The following RFX1 variants were observed in gnomAD, a reference collection of about 807,000 sequenced individuals.
RFX1 encodes regulatory factor X1.
RFX1 carries 42 observed loss-of-function variants against 119.6 expected under a neutral mutation model. That is an observed-to-expected ratio of 0.35 (90% CI 0.27 to 0.45). RFX1 has a LOEUF of 0.45. Among genes scored for constraint, RFX1 ranks in the 20% least tolerant of loss-of-function variants. The pLI is 1.00. For missense variants in RFX1, 1,118 were observed against 1,368.1 expected (o/e 0.82, Z 2.88); for synonymous variants, 628 against 618.5 (o/e 1.02, Z -0.23).
Position 13,978,036 on chromosome 19 carries a change from C to T in RFX1, c.885G>A (p.Val295=), listed in dbSNP as rs748574387. Residue 295 remains valine, a synonymous_variant, in exon 8 of 21, where the codon GTG becomes GTA. Transcript: ENST00000254325. ...TGGCATCGCCGCCCTCCACATACTG[C>T]ACCTGGCTGGAGTACACGTGTGGGA... ...VPVPHVYSSQ[V]QYVEGGDASY... The T allele has an allele frequency of 3.7e-6, 6 of 1,613,728 alleles. No homozygotes were observed. Among genetic ancestry groups the T allele is most frequent in the Middle Eastern group, 1.7e-4 (1 of 6,058 alleles).
Position 13,980,720 on chromosome 19 carries a change from T to C in RFX1, c.622-31A>G. The C allele has an allele frequency of 6.6e-7, 1 of 1,521,140 alleles. No individual in the cohort carries two copies. The highest frequency in any genetic ancestry group is 9.0e-7 in the Non-Finnish European group (1 of 1,113,080). 94.2% of individuals were successfully genotyped at this position (1,521,140 alleles called of 1,614,324 possible). ...AGGGAAGGAGACACAGGAGTGCCGC[T>C]GGGGTGGGCTTGCATCCTCTCTGAG... On this transcript the variant is annotated intron_variant, in intron 5 of 20. Coordinates refer to ENST00000254325, the MANE Select transcript of RFX1 (RefSeq NM_002918.5). The surrounding 1 kb of genome is among the most constrained non-coding windows in gnomAD (Gnocchi z 5.1).
chr19:13,965,835 G>T lies in RFX1; in HGVS notation c.1962-58C>A. The T allele has an allele frequency of 6.3e-7, 1 of 1,578,666 alleles. No individual in the cohort carries two copies. The highest frequency in any genetic ancestry group is 8.6e-7 in the Non-Finnish European group (1 of 1,158,462). On this transcript the variant is annotated intron_variant, in intron 14 of 20. Coordinates refer to ENST00000254325, the MANE Select transcript of RFX1 (RefSeq NM_002918.5). This position sits in a 1 kb window ranked among gnomAD's most constrained non-coding sequence, Gnocchi z 4.7. ...GGTACTCTATGGTCCTGCCCCCATC[G>T]TCAGAAGGGAACAGGTAGCCCCTGT...
At position 13,972,793 on chromosome 19, in the gene RFX1, C is replaced by G. The variant is rs756623062; in HGVS notation, c.1264G>C (p.Gly422Arg). 3 of 1,608,812 alleles carry G rather than the reference C, an allele frequency of 1.9e-6. No homozygotes were observed. Among genetic ancestry groups the G allele is most frequent in the Non-Finnish European group, 2.5e-6 (3 of 1,178,122 alleles). ...TYVIQGGYML[G>R]SASQSYSHTT... Reference sequence around the variant, plus strand: ...TGAGAGTAAGACTGGCTGGCACTGCCCAGCATGTAGCCGCCTTGGATCACG... The same window carrying G: ...TGAGAGTAAGACTGGCTGGCACTGCGCAGCATGTAGCCGCCTTGGATCACG... The change falls in exon 9 of 21, where the codon GGC becomes CGC. Residue 422 changes from glycine (G) to arginine (R), a missense_variant. Physicochemically the swap from Gly to Arg is moderately radical, Grantham distance 125. Coordinates refer to ENST00000254325, the MANE Select transcript of RFX1 (RefSeq NM_002918.5).
chr19:13,980,436 C>G lies in RFX1; in HGVS notation c.738+137G>C, dbSNP rs1206353167. On this transcript the variant is annotated intron_variant, in intron 6 of 20. Coordinates refer to ENST00000254325, the MANE Select transcript of RFX1 (RefSeq NM_002918.5). The surrounding 1 kb of genome is among the most constrained non-coding windows in gnomAD (Gnocchi z 5.1). ...TCTGGAGACAGGCAGAGATGCTTAT[C>G]AAAGGCCAGGGTGGCAGGCTGGGGC... 1 of 600,832 alleles carries G rather than the reference C, an allele frequency of 1.7e-6. No individual in the cohort carries two copies. The highest frequency in any genetic ancestry group is 1.9e-5 in the African/African-American group (1 of 53,868). The allele number at this position is 600,832 out of a possible 1,614,324, so 37.2% of individuals were successfully genotyped here.
chr19:13,972,492 C>A (rs1466849240), intron 9 of RFX1, among the ~76,000 whole-genome samples: 1 of 152,192 alleles, frequency 6.6e-6, no homozygotes, highest in African/African-American at 2.4e-5. Context: ...CAGCGCCCAG[C>A]CAACAATAGA....
intron 2 of RFX1, among the ~76,000 whole-genome samples, chr19:13,992,922 A>G (rs1974851883): frequency 6.6e-6 from 1 of 152,212 alleles, no homozygotes; most frequent in African/African-American, 2.4e-5. Context: ...GCTTGAGTCC[A>G]GGAGTTTGAG....
At chr19:13,978,575 G>A (rs1032417940) in intron 7 of RFX1, among the ~76,000 whole-genome samples, 4 of 152,190 alleles carry the variant, frequency 2.6e-5, no homozygotes, top group Admixed American at 6.5e-5. Flanking sequence ...CTTGTCTGCA[G>A]GGGCGGAGCT....
rs1463482986 is a variant in RFX1 at position 13,978,075 on chromosome 19, G to A, written c.846C>T (p.Leu282=). 3.1e-6 allele frequency: 5 copies of A among 1,613,166 alleles called. No homozygotes were observed. The highest frequency in any genetic ancestry group is 4.2e-6 in the Non-Finnish European group (5 of 1,179,640). The change falls in exon 8 of 21, where the codon CTC becomes CTT. Residue 282 remains leucine (L), a synonymous_variant. Transcript: ENST00000254325. ...PVHVAQEVQQ[L]QQVPVPHVYS... ...ACACGTGTGGGACGGGCACCTGCTG[G>A]AGCTGCTGCACCTGGGGCAGAGGAA...
chr19:13,999,347 A>G (rs983811874), intron 1 of RFX1, among the ~76,000 whole-genome samples: 4 of 152,170 alleles, frequency 2.6e-5, no homozygotes, highest in African/African-American at 9.7e-5. Flanking sequence ...GTTTAAATCT[A>G]TTACTTTAAA....
In RFX1 at chr19:13,962,805, C is replaced by A. The variant is rs1190785377; in HGVS notation, c.2830G>T (p.Ala944Ser). The change falls in exon 21 of 21, where the codon GCG becomes TCG. Residue 944 changes from alanine (A) to serine (S), a missense_variant. By Grantham distance (99) the Ala-to-Ser change is moderately conservative. This residue lies in a region of RFX1 where 138 missense variants were observed against 117.8 expected (regional missense o/e 1.17). Coordinates refer to ENST00000254325, the MANE Select transcript of RFX1 (RefSeq NM_002918.5). The stretch of plus-strand genomic sequence containing the variant: ...AGCGCGGGTGACTCGCCGCCAGCCG[C>A]CAGTGAGATGTCCTGCGGCAGCTCG... ...EDELPQDISL[A>S]AGGESPALGP... is the part of the protein sequence containing the mutation. 6.5e-7 allele frequency: 1 copy of A among 1,530,360 alleles called. No individual in the cohort carries two copies. Among genetic ancestry groups the A allele is most frequent in the Non-Finnish European group, 8.7e-7 (1 of 1,143,078 alleles). 94.8% of individuals were successfully genotyped at this position (1,530,360 alleles called of 1,614,324 possible).
chr19:13,987,713 T>C (rs1243459320), intron 2 of RFX1, among the ~76,000 whole-genome samples: 4 of 152,144 alleles, frequency 2.6e-5, no homozygotes, highest in African/African-American at 9.7e-5. Flanking sequence ...CCAGGAAGCA[T>C]TGCCCAGTGA....
chr19:13,966,421 A>T lies in RFX1; in HGVS notation c.1961T>A (p.Val654Glu), dbSNP rs1973898493. The change falls in exon 14 of 21, where the codon GTA becomes GAA. Residue 654 changes from valine (V) to glutamate (E), a missense_variant and splice_region_variant. By Grantham distance (121) the Val-to-Glu change is moderately radical. Coordinates refer to ENST00000254325, the MANE Select transcript of RFX1 (RefSeq NM_002918.5). This position sits in a 1 kb window ranked among gnomAD's most constrained non-coding sequence, Gnocchi z 6.3. Reference protein sequence around the residue: ...SQPSEAPPLAVHDEAEKRLPK... With the variant: ...SQPSEAPPLAEHDEAEKRLPK... ...CCCACAGTCGCCGGGCAGTACTCACACAGCCAGCGGTGGCGCCTCACTGGG... is the reference window on the plus strand; with the variant it reads ...CCCACAGTCGCCGGGCAGTACTCACTCAGCCAGCGGTGGCGCCTCACTGGG... 1 of 1,598,944 alleles carries T rather than the reference A, an allele frequency of 6.3e-7. No homozygotes were observed. Among genetic ancestry groups the T allele is most frequent in the Admixed American group, 1.7e-5 (1 of 59,872 alleles).
intron 1 of RFX1, among the ~76,000 whole-genome samples, chr19:14,003,733 A>G (rs1975288645): frequency 6.6e-6 from 1 of 152,148 alleles, no homozygotes; most frequent in Non-Finnish European, 1.5e-5. Context: ...CAGAAAACTT[A>G]AGTAACTCAC....
intron 1 of RFX1, among the ~76,000 whole-genome samples, chr19:14,000,257 G>A (rs958725898): frequency 3.9e-5 from 6 of 152,054 alleles, no homozygotes; most frequent in African/African-American, 7.2e-5. Flanking sequence ...AGGCTGAGGC[G>A]GGCGGATCAT....
At position 13,979,475 on chromosome 19, in the gene RFX1, C is replaced by A; in HGVS notation, c.806G>T (p.Gly269Val). Reference protein sequence around the residue: ...PGPVQPLTVQGLQPVHVAQEV... With the variant: ...PGPVQPLTVQVLQPVHVAQEV... ...TTGAGCCACGTGGACTGGCTGGAGG[C>A]CCTGCACGGTCAGCGGCTGCACCGG... is the stretch of plus-strand genomic sequence containing the variant. Residue 269 changes from glycine (G) to valine (V), a missense_variant, in exon 7 of 21, where the codon GGC becomes GTC. This residue lies in a region of RFX1 where 542 missense variants were observed against 602.7 expected (regional missense o/e 0.90). Transcript: ENST00000254325. The A allele has an allele frequency of 6.3e-7, 1 of 1,587,272 alleles. No individual in the cohort carries two copies. Among genetic ancestry groups the A allele is most frequent in the Non-Finnish European group, 8.6e-7 (1 of 1,166,966 alleles).
chr19:13,993,516 G>A lies in RFX1; in HGVS notation c.319+9C>T, dbSNP rs746847078. The A allele has an allele frequency of 6.8e-6, 11 of 1,608,504 alleles. No individual in the cohort carries two copies. Among genetic ancestry groups the A allele is most frequent in the East Asian group, 2.2e-5 (1 of 44,806 alleles). ...AGGAGTTTTCAGGACACACGAGCGC[G>A]GCACTTACCAGAGACAGTGACCACG... is the stretch of plus-strand genomic sequence containing the variant. On this transcript the variant is annotated intron_variant, in intron 2 of 20. Transcript: ENST00000254325.
At chr19:13,972,333 A>G (rs1974110033) in intron 9 of RFX1, among the ~76,000 whole-genome samples, 1 of 151,828 alleles carries the variant, frequency 6.6e-6, no homozygotes, top group Non-Finnish European at 1.5e-5. Context: ...AGCTGGGATT[A>G]CAGGTGCATA....
chr19:13,981,913 A>C (rs1974441122), intron 5 of RFX1, among the ~76,000 whole-genome samples: 1 of 152,240 alleles, frequency 6.6e-6, no homozygotes, highest in Non-Finnish European at 1.5e-5. Context: ...CGCTTAGCTC[A>C]GAGCTGGCAG....
intron 1 of RFX1, among the ~76,000 whole-genome samples, chr19:13,997,398 G>C (rs558390780): frequency 6.6e-6 from 1 of 152,376 alleles, no homozygotes; most frequent in Non-Finnish European, 1.5e-5. Flanking sequence ...TGAAATGGGA[G>C]GACGGCTGGC....
Sources: allele counts gnomAD v4.1 joint callset (sites outside exome capture counted in the v4.1 genomes callset), GRCh38; gene constraint gnomAD v4.1.1; regional missense constraint gnomAD v4.1.1; non-coding constraint Gnocchi (gnomAD v3.1); transcripts MANE v1.5; gene names NCBI Gene and HGNC (gene_info 2026-07-23, HGNC 2026-07-21).